Variants in ARAP2 observed in about 807,000 individuals in gnomAD.
The protein encoded by ARAP2 is arf-GAP with Rho-GAP domain, ANK repeat and PH domain-containing protein 2.
ARAP2 carries 148 observed loss-of-function variants against 194.5 expected under a neutral mutation model. The ratio of observed to expected loss-of-function variants is 0.76; its 90% CI spans 0.67 to 0.87. The LOEUF (loss-of-function observed/expected upper bound fraction) is 0.87, where lower values mean the gene tolerates loss of function less well. ARAP2 is among the 40% of genes least tolerant of loss of function. The pLI is 0.00. For synonymous variants in ARAP2, 695 were observed against 683.5 expected, an observed-to-expected ratio of 1.02 and a Z score of -0.26; for missense variants, 2,128 against 1,989.7, an observed-to-expected ratio of 1.07 and a Z score of -1.32.
At chr4:36,185,990 A>G (rs1740475925) in intron 8 of ARAP2, among the ~76,000 whole-genome samples, 1 of 151,938 alleles carries the variant, frequency 6.6e-6, no homozygotes, top group Non-Finnish European at 1.5e-5. Flanking sequence ...AAAAAAAAAA[A>G]GGATAATAAT....
intron 1 of ARAP2, among the ~76,000 whole-genome samples, chr4:36,230,004 T>C (rs1578359777): frequency 6.6e-6 from 1 of 152,314 alleles, no homozygotes; most frequent in South Asian, 2.1e-4. Flanking sequence ...TGTATATAGT[T>C]CATCAGAAAG....
At chr4:36,024,700 C>T (rs1717599170) in intron 5 of ARAP2, among the ~76,000 whole-genome samples, 1 of 151,962 alleles carries the variant, frequency 6.6e-6, no homozygotes, top group Non-Finnish European at 1.5e-5. Context: ...ACTAATTTGT[C>T]AATATGGGAG....
At chr4:36,160,125 A>C in intron 13 of ARAP2, 1 of 997,544 alleles carries the variant, frequency 1.0e-6, no homozygotes, top group Non-Finnish European at 1.2e-6. Flanking sequence ...TTGAAATAAT[A>C]AGCTGCCTCT....
At chr4:36,129,178 C>T (rs1724748467) in intron 20 of ARAP2, among the ~76,000 whole-genome samples, 2 of 151,914 alleles carry the variant, frequency 1.3e-5, no homozygotes, top group African/African-American at 4.8e-5. Flanking sequence ...ACCTTATTTC[C>T]AATGGAGAGT....
intron 9 of ARAP2, among the ~76,000 whole-genome samples, chr4:36,173,325 T>C (rs1385034405): frequency 1.3e-5 from 2 of 152,318 alleles, no homozygotes; most frequent in Admixed American, 1.3e-4. Context: ...TATTTAAATA[T>C]ATGTCCATAT....
chr4:36,180,476 T>C (rs1738984983), intron 8 of ARAP2, among the ~76,000 whole-genome samples: 1 of 152,236 alleles, frequency 6.6e-6, no homozygotes, highest in African/African-American at 2.4e-5. Flanking sequence ...TACAATAATT[T>C]ATTACATTTT....
intron 6 of ARAP2, 82 bp from the exon 7 acceptor site, chr4:36,193,729 A>G: frequency 9.8e-7 from 1 of 1,024,126 alleles, no homozygotes. Context: ...GTAACCGTGT[A>G]AATATATTAT....
At chr4:36,030,346 T>C (rs1044064929) in intron 5 of ARAP2, among the ~76,000 whole-genome samples, 2 of 152,128 alleles carry the variant, frequency 1.3e-5, no homozygotes, top group East Asian at 1.9e-4. Context: ...CCTAGGGGAA[T>C]TTGTTATCTC....
At chr4:36,043,803 GGGAA>G (rs1455830840) in intron 5 of ARAP2, among the ~76,000 whole-genome samples, 4 of 57,256 alleles carry the variant, frequency 7.0e-5, no homozygotes, top group South Asian at 1.1e-3. Flanking sequence ...GAGAAGGGAA[GGGAA>G]GGGAAGGGAA....
chr4:36,237,380 C>T lies in ARAP2; in HGVS notation c.-160+6799G>A, dbSNP rs751299572. The stretch of plus-strand genomic sequence containing the variant: ...ACCTGATATGGTTTGGATGTTTTGT[C>T]CCCTCCAAATTTCATGTGGAAATGT... On this transcript the variant is annotated intron_variant, in intron 1 of 32. Coordinates refer to ENST00000303965, the MANE Select transcript of ARAP2 (RefSeq NM_015230.4). 4.6e-5 allele frequency among the ~76,000 whole-genome samples: 7 copies of T among 152,140 alleles called. No homozygotes were observed. The South Asian group carries it at 1.5e-3, about 32-fold the overall frequency.
At chr4:36,096,194 T>C (rs915789027) in intron 27 of ARAP2, among the ~76,000 whole-genome samples, 14 of 151,610 alleles carry the variant, frequency 9.2e-5, no homozygotes, top group Non-Finnish European at 7.4e-5. Flanking sequence ...TGAAACCCCA[T>C]CTCTACTAAA....
intron 5 of ARAP2, among the ~76,000 whole-genome samples, chr4:36,026,028 C>A (rs188009298): frequency 6.6e-6 from 1 of 151,998 alleles, no homozygotes; most frequent in Non-Finnish European, 1.5e-5. Flanking sequence ...AGGAAAACAA[C>A]AATTTAGCAT....
chr4:36,163,062 T>C (rs1411851261), intron 11 of ARAP2, among the ~76,000 whole-genome samples: 1 of 152,174 alleles, frequency 6.6e-6, no homozygotes, highest in Non-Finnish European at 1.5e-5. Flanking sequence ...CAAATCTAAG[T>C]AGAGATTCTA....
At chr4:36,014,265 G>GAAAGAAAGAAAGAAAGAAAGA (rs1715192833) in intron 8 of ARAP2, among the ~76,000 whole-genome samples, 1 of 137,288 alleles carries the variant, frequency 7.3e-6, no homozygotes, top group African/African-American at 2.8e-5. Flanking sequence ...AAGAAAGAAA[G>GAAAGAAAGAAAGAAAGAAAGA]AAAGAAAGAA....
chr4:36,171,859 A>T (rs553321074), intron 9 of ARAP2, among the ~76,000 whole-genome samples: 38 of 152,324 alleles, frequency 2.5e-4, no homozygotes, highest in East Asian at 1.9e-3. Context: ...CATAATTTTT[A>T]AAAAATAGAA....
intron 5 of ARAP2, among the ~76,000 whole-genome samples, chr4:36,034,573 A>T (rs912209490): frequency 6.6e-6 from 1 of 152,102 alleles, no homozygotes; most frequent in African/African-American, 2.4e-5. Context: ...TATGTATAAA[A>T]TCATATTTCC....
At chr4:36,036,380 C>T (rs904655639) in intron 5 of ARAP2, among the ~76,000 whole-genome samples, 5 of 151,972 alleles carry the variant, frequency 3.3e-5, no homozygotes, top group African/African-American at 1.2e-4. Flanking sequence ...GCAATATTTT[C>T]TATAGGTTTA....
intron 6 of ARAP2, among the ~76,000 whole-genome samples, chr4:36,195,362 C>A (rs1742847229): frequency 6.6e-6 from 1 of 152,166 alleles, no homozygotes; most frequent in Non-Finnish European, 1.5e-5. Flanking sequence ...TCCTTAAATT[C>A]TCAGCATTAA....
At position 36,133,347 on chromosome 4, in the gene ARAP2, G is replaced by C; in HGVS notation, c.3306C>G (p.Val1102=). Residue 1102 remains valine, a synonymous_variant, in exon 20 of 33, where the codon GTC becomes GTG. Transcript: ENST00000303965. ...IHGHTKLDFT[V]WHTAIEKAAG... ...CTGCTTTTTCAATTGCAGTATGCCA[G>C]ACTGTGAAATCCAACTTGGTATGCC... The C allele has an allele frequency of 6.2e-7, 1 of 1,611,090 alleles. No homozygotes were observed. The highest frequency in any genetic ancestry group is 2.2e-5 in the East Asian group (1 of 44,736).
Sources: gnomAD v4.1 joint callset for allele counts (sites outside exome capture counted in the v4.1 genomes callset) on GRCh38, gnomAD v4.1.1 for gene constraint, MANE v1.5 for transcripts, NCBI Gene and HGNC (gene_info 2026-07-23, HGNC 2026-07-21) for gene names.